NCOR1: variants seen among roughly 807,000 people sequenced by gnomAD.
NCOR1 encodes nuclear receptor corepressor 1.
NCOR1 carries 63 observed loss-of-function variants against 288.1 expected under a neutral mutation model. That is an observed-to-expected ratio of 0.22 (90% CI 0.18 to 0.27). The LOEUF (loss-of-function observed/expected upper bound fraction) is 0.27. NCOR1 is among the 10% of genes least tolerant of loss of function. NCOR1 has a pLI of 1.00. For synonymous variants in NCOR1, 1,007 were observed against 1,065.9 expected (o/e 0.94, Z 1.08); for missense variants, 2,397 against 3,019.2 (o/e 0.79, Z 4.83).
intron 14 of NCOR1, among the ~76,000 whole-genome samples, chr17:16,127,671 ATATGTG>A (rs1403487735): frequency 2.7e-5 from 4 of 145,466 alleles, no homozygotes; most frequent in East Asian, 4.0e-4. Context: ...ATATATGTAT[ATATGTG>A]TATGTGTATA....
intron 29 of NCOR1, 42 bp from the exon 30 acceptor site, chr17:16,071,707 T>C (rs1224514000): frequency 1.3e-6 from 2 of 1,570,038 alleles, no homozygotes; most frequent in Admixed American, 1.8e-5. Flanking sequence ...ATGCTGATGG[T>C]TGCACAACAA....
In NCOR1 at chr17:16,061,299, A is replaced by G. The variant is rs948262405; in HGVS notation, c.5881+102T>C. 28 of 1,384,260 alleles carry G rather than the reference A, an allele frequency of 2.0e-5. No individual in the cohort carries two copies. The African/African-American group carries it at 3.9e-4, about 19-fold the overall frequency. The allele number at this position is 1,384,260 out of a possible 1,614,324, so 85.7% of individuals were successfully genotyped here. A position where few individuals can be genotyped will look rare whatever the true frequency, so the allele number is the denominator to read the frequency against. ...CATTTTTGCATTACATTTACTATCA[A>G]CCGTTAGGATTTTTAAATACCATAT... On this transcript the variant is annotated intron_variant, in intron 37 of 45. Coordinates refer to ENST00000268712, the MANE Select transcript of NCOR1 (RefSeq NM_006311.4).
chr17:16,109,512 T>A (rs2069537963), intron 18 of NCOR1, among the ~76,000 whole-genome samples: 1 of 152,102 alleles, frequency 6.6e-6, no homozygotes, highest in Non-Finnish European at 1.5e-5. Context: ...TCTTCCTAAT[T>A]ATTGTTATTA....
At chr17:16,212,614 A>G (rs1169024650) in intron 1 of NCOR1, among the ~76,000 whole-genome samples, 1 of 152,262 alleles carries the variant, frequency 6.6e-6, no homozygotes, top group African/African-American at 2.4e-5. Flanking sequence ...AAGATAGATC[A>G]CAGAATACAA....
At chr17:16,162,973 C>T (rs1053204945) in intron 5 of NCOR1, among the ~76,000 whole-genome samples, 1 of 152,002 alleles carries the variant, frequency 6.6e-6, no homozygotes, top group African/African-American at 2.4e-5. Flanking sequence ...ACCTTAATAA[C>T]CCCAGGGGGT....
chr17:16,137,994 A>G, intron 13 of NCOR1, 164 bp downstream of exon 13: 1 of 561,696 alleles, frequency 1.8e-6, no homozygotes. Flanking sequence ...CTGTGTTACG[A>G]TTTCTCTAAT....
intron 5 of NCOR1, among the ~76,000 whole-genome samples, chr17:16,162,364 TAG>T (rs1381918345): frequency 1.6e-4 from 24 of 151,848 alleles, no homozygotes; most frequent in Admixed American, 1.3e-3. Context: ...AAGAAACTGT[TAG>T]AAAGGTTTTC....
chr17:16,143,561 C>CTT, intron 11 of NCOR1, 45 bp downstream of exon 11: 2 of 1,476,078 alleles, frequency 1.4e-6, no homozygotes, highest in Non-Finnish European at 9.5e-7. Flanking sequence ...AGTTAAAATG[C>CTT]TTTAATAATT....
chr17:16,210,220 C>G (rs889266812), intron 1 of NCOR1, among the ~76,000 whole-genome samples: 4 of 151,970 alleles, frequency 2.6e-5, no homozygotes, highest in Non-Finnish European at 4.4e-5. Flanking sequence ...CCTGTCTCTA[C>G]TAAAAAATAC....
chr17:16,088,679 AAT>A (rs1425187807), intron 22 of NCOR1, among the ~76,000 whole-genome samples: 1 of 152,196 alleles, frequency 6.6e-6, no homozygotes, highest in African/African-American at 2.4e-5. Context: ...CATTACATAC[AAT>A]ATCTATTTAG....
chr17:16,204,668 T>C (rs926619860), intron 1 of NCOR1, among the ~76,000 whole-genome samples: 32 of 152,330 alleles, frequency 2.1e-4, no homozygotes, highest in African/African-American at 6.3e-4. Context: ...AGGAAAGTCT[T>C]AAGTAGAGCA....
chr17:16,127,307 A>ATGTGTGTGTG (rs2074421840), intron 14 of NCOR1, among the ~76,000 whole-genome samples: 1 of 92,422 alleles, frequency 1.1e-5, no homozygotes, highest in Non-Finnish European at 2.4e-5. Flanking sequence ...GTATGTATAT[A>ATGTGTGTGTG]TACATGTATG....
chr17:16,042,255 C>T (rs2057852087), intron 42 of NCOR1, among the ~76,000 whole-genome samples: 1 of 152,228 alleles, frequency 6.6e-6, no homozygotes, highest in Middle Eastern at 3.4e-3. Flanking sequence ...TAAATTGAGC[C>T]TGAAACAGCA....
At chr17:16,128,219 A>G (rs535466350) in intron 14 of NCOR1, among the ~76,000 whole-genome samples, 1 of 152,112 alleles carries the variant, frequency 6.6e-6, no homozygotes, top group Non-Finnish European at 1.5e-5. Flanking sequence ...GCTGTTCTGG[A>G]CTCACCTAAA....
At chr17:16,177,508 T>C (rs538418296) in intron 3 of NCOR1, among the ~76,000 whole-genome samples, 1 of 152,320 alleles carries the variant, frequency 6.6e-6, no homozygotes, top group African/African-American at 2.4e-5. Flanking sequence ...GGGTTCTCCT[T>C]GATTGTTCCC....
intron 2 of NCOR1, among the ~76,000 whole-genome samples, chr17:16,191,333 C>G (rs1261608672): frequency 6.6e-6 from 1 of 152,148 alleles, no homozygotes; most frequent in Non-Finnish European, 1.5e-5. Flanking sequence ...AAAGACCACT[C>G]TAGACCTGCC....
At chr17:16,189,412 T>G (rs1412638937) in intron 2 of NCOR1, among the ~76,000 whole-genome samples, 1 of 151,858 alleles carries the variant, frequency 6.6e-6, no homozygotes, top group Non-Finnish European at 1.5e-5. Context: ...AAAAAAAAAT[T>G]TATTAAAGAA....
chr17:16,165,277 T>A (rs1201772752), intron 4 of NCOR1, 116 bp from the exon 5 acceptor site: 1 of 777,844 alleles, frequency 1.3e-6, no homozygotes, highest in Middle Eastern at 3.9e-4. Flanking sequence ...ATTTGTCTAA[T>A]GAAACTTTTA....
At chr17:16,096,904 G>C (rs895195581) in intron 21 of NCOR1, among the ~76,000 whole-genome samples, 8 of 152,148 alleles carry the variant, frequency 5.3e-5, no homozygotes, top group Non-Finnish European at 8.8e-5. Flanking sequence ...ATGGATGAAT[G>C]AATAAAATGT....
Sources: allele counts gnomAD v4.1 joint callset (sites outside exome capture counted in the v4.1 genomes callset), GRCh38; gene constraint gnomAD v4.1.1; transcripts MANE v1.5; gene names NCBI Gene and HGNC (gene_info 2026-07-23, HGNC 2026-07-21).